The following CCDC102B variants were observed in gnomAD, a reference collection of about 807,000 sequenced individuals.
CCDC102B encodes the protein coiled-coil domain containing 102B.
A neutral mutation model predicts 57.4 loss-of-function variants in CCDC102B; 75 were observed. That is an observed-to-expected ratio of 1.31 (90% CI 1.08 to 1.58). The LOEUF is 1.58. Ranked by LOEUF, CCDC102B falls within the 40% of genes most tolerant of loss-of-function variation. The pLI is 0.00. For missense variants in CCDC102B, 636 were observed against 582.6 expected (o/e 1.09, Z -0.94); for synonymous variants, 206 against 201.9 (o/e 1.02, Z -0.17).
chr18:68,723,962 A>G (rs1021138046), intron 2 of CCDC102B, among the ~76,000 whole-genome samples: 1 of 152,184 alleles, frequency 6.6e-6, no homozygotes, highest in African/African-American at 2.4e-5. Context: ...CTCTGTAACA[A>G]ACTTCTGCCT....
chr18:68,885,475 A>G lies in CCDC102B; in HGVS notation c.1053+10690A>G, dbSNP rs184410591. 2.1e-4 allele frequency among the ~76,000 whole-genome samples: 32 copies of G among 152,206 alleles called. No individual in the cohort carries two copies. The East Asian group carries it at 4.2e-3, about 20-fold the overall frequency. ...AAAGTTCGTAACACTGGAATACAAT[A>G]AACTGCCTGAAAGCAAGCAGTGATA... On this transcript the variant is annotated intron_variant, in intron 5 of 7. Transcript: ENST00000360242.
chr18:68,781,991 G>A (rs2035021801), intron 2 of CCDC102B, among the ~76,000 whole-genome samples: 1 of 152,032 alleles, frequency 6.6e-6, no homozygotes, highest in Non-Finnish European at 1.5e-5. Context: ...TAGCTATATT[G>A]TGTAAATAAT....
chr18:68,837,182 AAC>A lies in CCDC102B; in HGVS notation c.421_422del (p.Gln141GlufsTer12). 3.7e-6 allele frequency: 6 copies of A among 1,614,168 alleles called. No homozygotes were observed. The highest frequency in any genetic ancestry group is 4.2e-6 in the Non-Finnish European group (5 of 1,180,022). On this transcript the variant is annotated frameshift_variant, in exon 2 of 8. Coordinates refer to ENST00000360242, the MANE Select transcript of CCDC102B (RefSeq NM_024781.3). LOFTEE classifies it high-confidence loss of function. ...AAAGAATTGAGTACACTGAAAAAGA[AAC>A]AGAGTTTGCCACCTCAGAAGGAGGC...
chr18:68,905,852 G>A (rs1212932157), intron 6 of CCDC102B, among the ~76,000 whole-genome samples: 11 of 142,044 alleles, frequency 7.7e-5, no homozygotes, highest in Non-Finnish European at 1.6e-4. Context: ...GGAGTACAGT[G>A]GTGCGATCTC....
At chr18:68,850,890 C>T (rs2038092243) in intron 4 of CCDC102B, among the ~76,000 whole-genome samples, 4 of 152,096 alleles carry the variant, frequency 2.6e-5, no homozygotes, top group Admixed American at 2.0e-4. Flanking sequence ...TCAGTTTATA[C>T]ATCACTTCAT....
At chr18:68,974,019 A>C (rs1342092124) in intron 6 of CCDC102B, among the ~76,000 whole-genome samples, 1 of 152,162 alleles carries the variant, frequency 6.6e-6, no homozygotes, top group African/African-American at 2.4e-5. Context: ...TGAAGCTGAT[A>C]TAAAGAAAAC....
chr18:68,855,805 A>G (rs1325427087), intron 4 of CCDC102B, among the ~76,000 whole-genome samples: 3 of 139,396 alleles, frequency 2.2e-5, no homozygotes, highest in Non-Finnish European at 3.3e-5. Context: ...GAACATATAC[A>G]TGATGTTTTT....
intron 6 of CCDC102B, among the ~76,000 whole-genome samples, chr18:68,910,361 C>G (rs1347026768): frequency 6.6e-6 from 1 of 152,096 alleles, no homozygotes; most frequent in Non-Finnish European, 1.5e-5. Flanking sequence ...GAGAGCAACT[C>G]TTTTTAGGAT....
chr18:69,008,824 C>T (rs1470004669), intron 6 of CCDC102B, among the ~76,000 whole-genome samples: 1 of 152,174 alleles, frequency 6.6e-6, no homozygotes, highest in African/African-American at 2.4e-5. Flanking sequence ...CTTCTAATAC[C>T]ATACACTTCA....
At chr18:68,883,121 T>G (rs2039752110) in intron 5 of CCDC102B, among the ~76,000 whole-genome samples, 2 of 152,124 alleles carry the variant, frequency 1.3e-5, no homozygotes, top group South Asian at 2.1e-4. Context: ...ATGCCCAAAC[T>G]TAAAAGTATA....
intron 1 of CCDC102B, chr18:68,715,723 A>G (rs918283866): frequency 2.0e-5 from 3 of 152,212 alleles, no homozygotes; most frequent in African/African-American, 7.2e-5. Flanking sequence ...ATAAAGTAGT[A>G]TGAAATATTT....
chr18:68,897,096 T>A (rs1237561326), intron 5 of CCDC102B, 123 bp from the exon 6 acceptor site: 1 of 695,748 alleles, frequency 1.4e-6, no homozygotes, highest in Non-Finnish European at 2.4e-6. Flanking sequence ...AGAATTTTCT[T>A]TTTAAAATTG....
At chr18:68,852,069 T>G (rs2038152499) in intron 4 of CCDC102B, among the ~76,000 whole-genome samples, 1 of 152,162 alleles carries the variant, frequency 6.6e-6, no homozygotes, top group African/African-American at 2.4e-5. Flanking sequence ...ATTCTTCGTG[T>G]TGAAAAGGAG....
intron 6 of CCDC102B, among the ~76,000 whole-genome samples, chr18:68,943,081 A>C (rs568804115): frequency 9.6e-6 from 1 of 103,630 alleles, no homozygotes. Flanking sequence ...CACACAGCAC[A>C]TGTTTTTGCG....
intron 1 of CCDC102B, among the ~76,000 whole-genome samples, chr18:68,813,085 G>A (rs2036331111): frequency 6.6e-6 from 1 of 152,060 alleles, no homozygotes; most frequent in Non-Finnish European, 1.5e-5. Context: ...GGAGATGATT[G>A]AATCATGAGA....
At chr18:68,807,251 G>T (rs1267794181) in intron 1 of CCDC102B, among the ~76,000 whole-genome samples, 3 of 151,888 alleles carry the variant, frequency 2.0e-5, no homozygotes, top group African/African-American at 4.8e-5. Context: ...TATAATTTAA[G>T]AAAATTTACT....
At chr18:69,006,800 T>C (rs571762309) in intron 6 of CCDC102B, among the ~76,000 whole-genome samples, 241 of 152,234 alleles carry the variant, frequency 1.6e-3, no homozygotes, top group Non-Finnish European at 2.7e-3. Flanking sequence ...ATAGAGAGGA[T>C]ATGAATTAAT....
At chr18:68,988,414 A>G (rs2050778212) in intron 6 of CCDC102B, among the ~76,000 whole-genome samples, 1 of 146,774 alleles carries the variant, frequency 6.8e-6, no homozygotes, top group Non-Finnish European at 1.5e-5. Context: ...GTGGGAGGGT[A>G]TGGGTTGAGC....
chr18:69,029,365 TA>T (rs1375905766), intron 7 of CCDC102B, among the ~76,000 whole-genome samples: 10 of 152,336 alleles, frequency 6.6e-5, no homozygotes, highest in Middle Eastern at 3.4e-3. Context: ...CAATCCATGC[TA>T]CCATCTTTTA....
Sources: allele counts gnomAD v4.1 joint callset (sites outside exome capture counted in the v4.1 genomes callset), GRCh38; gene constraint gnomAD v4.1.1; transcripts MANE v1.5; gene names NCBI Gene and HGNC (gene_info 2026-07-23, HGNC 2026-07-21).